The following ZNF385D variants were observed in gnomAD, a reference collection of about 807,000 sequenced individuals.
ZNF385D encodes the protein zinc finger protein 385D.
ZNF385D carries 15 observed loss-of-function variants against 35.8 expected under a neutral mutation model. The observed-to-expected ratio is 0.42, with a 90% CI of 0.28 to 0.64. The LOEUF is 0.64. Among genes scored for constraint, ZNF385D ranks in the 30% least tolerant of loss-of-function variants. The pLI, the probability that ZNF385D is intolerant of heterozygous loss-of-function variation, is 0.23. For synonymous variants in ZNF385D, 212 were observed against 186.8 expected, an observed-to-expected ratio of 1.13 and a Z score of -1.10; for missense variants, 474 against 494.6, an observed-to-expected ratio of 0.96 and a Z score of 0.39.
chr3:22,008,054 CAG>C (rs576984673), intron 3 of ZNF385D, among the ~76,000 whole-genome samples: 9 of 151,786 alleles, frequency 5.9e-5, no homozygotes, highest in Non-Finnish European at 8.8e-5. Context: ...TTTATTTTTC[CAG>C]AGTTTGATGA....
intron 2 of ZNF385D, among the ~76,000 whole-genome samples, chr3:22,219,480 G>A (rs1698116885): frequency 6.6e-6 from 1 of 152,030 alleles, no homozygotes; most frequent in Non-Finnish European, 1.5e-5. Context: ...TTATCAGAAA[G>A]GTCATGCTAG....
chr3:21,798,333 T>C (rs1330182702), intron 3 of ZNF385D, among the ~76,000 whole-genome samples: 1 of 152,190 alleles, frequency 6.6e-6, no homozygotes, highest in African/African-American at 2.4e-5. Flanking sequence ...AGGACCCTTT[T>C]CGAAGTTCAC....
At chr3:22,267,854 G>A (rs971960409) in intron 2 of ZNF385D, among the ~76,000 whole-genome samples, 1 of 151,792 alleles carries the variant, frequency 6.6e-6, no homozygotes, top group African/African-American at 2.4e-5. Context: ...TATGTGAAAG[G>A]CAATAAAAAT....
intron 3 of ZNF385D, among the ~76,000 whole-genome samples, chr3:21,900,480 C>T (rs1381152873): frequency 6.6e-6 from 1 of 151,830 alleles, no homozygotes; most frequent in Admixed American, 6.6e-5. Context: ...AAAAGAAAAA[C>T]AAAGATCTTA....
intron 2 of ZNF385D, among the ~76,000 whole-genome samples, chr3:22,283,014 C>T (rs560350180): frequency 6.6e-6 from 1 of 151,610 alleles, no homozygotes; most frequent in African/African-American, 2.4e-5. Context: ...AAATGGACAC[C>T]AAAAGTGAGC....
chr3:22,346,894 G>A (rs936220094), intron 2 of ZNF385D, among the ~76,000 whole-genome samples: 8 of 152,080 alleles, frequency 5.3e-5, no homozygotes, highest in African/African-American at 1.9e-4. Flanking sequence ...TATCATAATG[G>A]CATTTTTCAT....
intron 5 of ZNF385D, among the ~76,000 whole-genome samples, chr3:21,428,936 T>TTTC (rs1367753050): frequency 2.0e-5 from 3 of 146,554 alleles, no homozygotes; most frequent in Admixed American, 7.3e-5. Flanking sequence ...AGAAATCCTT[T>TTTC]TTTTTTTTTG....
At chr3:21,699,504 A>T (rs533425117) in intron 1 of ZNF385D, among the ~76,000 whole-genome samples, 209 of 152,286 alleles carry the variant, frequency 1.4e-3, no homozygotes, top group Admixed American at 3.9e-3. Flanking sequence ...AAAAAATGAA[A>T]TAAAGTAATT....
intron 2 of ZNF385D, among the ~76,000 whole-genome samples, chr3:21,609,522 C>T (rs2064603119): frequency 1.3e-5 from 2 of 152,218 alleles, no homozygotes; most frequent in South Asian, 4.1e-4. Flanking sequence ...AAATTCTAGA[C>T]ACCACTATTT....
At chr3:21,753,789 T>TTGTTGTG (rs1553653025), upstream of ZNF385D, among the ~76,000 whole-genome samples, 24 of 124,728 alleles carry the variant, frequency 1.9e-4, no homozygotes, top group East Asian at 1.0e-3. Flanking sequence ...GTTGTTGTTG[T>TTGTTGTG]TGTGTGTGTG....
At chr3:21,508,706 G>A (rs567188790) in intron 4 of ZNF385D, among the ~76,000 whole-genome samples, 1 of 152,240 alleles carries the variant, frequency 6.6e-6, no homozygotes, top group South Asian at 2.1e-4. Flanking sequence ...TATAGAAAGA[G>A]GTGTTGAAAT....
chr3:22,170,239 C>T (rs1034953697), intron 2 of ZNF385D, among the ~76,000 whole-genome samples: 1 of 152,140 alleles, frequency 6.6e-6, no homozygotes, highest in African/African-American at 2.4e-5. Flanking sequence ...CTCCTAGGTT[C>T]TGGAGTTAAA....
chr3:22,106,783 A>G (rs999960334), intron 3 of ZNF385D, among the ~76,000 whole-genome samples: 3 of 152,162 alleles, frequency 2.0e-5, no homozygotes, highest in Admixed American at 6.6e-5. Flanking sequence ...TCTTCTACCT[A>G]ATGCGGAGAA....
At chr3:21,751,521 A>G (rs979282294), upstream of ZNF385D, 1 of 877,394 alleles carries the variant, frequency 1.1e-6, no homozygotes, top group African/African-American at 1.8e-5. Context: ...GAATGCCACC[A>G]TTCTCTCCAA....
intron 3 of ZNF385D, among the ~76,000 whole-genome samples, chr3:22,023,513 G>C (rs866852449): frequency 2.0e-4 from 31 of 152,204 alleles, no homozygotes; most frequent in Middle Eastern, 3.4e-3. Context: ...TCTTTGCTGA[G>C]AATAAAATGG....
intron 3 of ZNF385D, among the ~76,000 whole-genome samples, chr3:21,880,517 T>C (rs1353729163): frequency 1.3e-5 from 2 of 152,152 alleles, no homozygotes; most frequent in East Asian, 3.9e-4. Flanking sequence ...ATAAATGTTG[T>C]GTCTGACCTT....
At chr3:21,795,133 G>C (rs908423965) in intron 3 of ZNF385D, among the ~76,000 whole-genome samples, 1 of 152,148 alleles carries the variant, frequency 6.6e-6, no homozygotes, top group African/African-American at 2.4e-5. Context: ...TCCAGCCCTG[G>C]TTGTCCTCAG....
chr3:21,681,328 A>G (rs1032765968), intron 1 of ZNF385D, among the ~76,000 whole-genome samples: 2 of 143,682 alleles, frequency 1.4e-5, no homozygotes, highest in African/African-American at 5.2e-5. Context: ...AAAAAAACCT[A>G]CATTTTTGGC....
intron 3 of ZNF385D, among the ~76,000 whole-genome samples, chr3:22,066,464 G>GTGTC (rs1433818111): frequency 7.5e-6 from 1 of 132,868 alleles, no homozygotes; most frequent in Admixed American, 7.8e-5. Context: ...GGTTCCCCGT[G>GTGTC]TGTGTGTGTG....
Sources: gnomAD v4.1 joint callset for allele counts (sites outside exome capture counted in the v4.1 genomes callset) on GRCh38, gnomAD v4.1.1 for gene constraint, MANE v1.5 for transcripts, NCBI Gene and HGNC (gene_info 2026-07-23, HGNC 2026-07-21) for gene names.